Variants in RIF1 observed in about 807,000 individuals in gnomAD.
RIF1 encodes telomere-associated protein RIF1.
In RIF1, 45 loss-of-function variants were observed where a neutral mutation model predicts 247.1. The ratio of observed to expected loss-of-function variants is 0.18; its 90% confidence interval spans 0.14 to 0.23. The LOEUF (loss-of-function observed/expected upper bound fraction) is 0.23. Among genes scored for constraint, RIF1 ranks in the 10% least tolerant of loss-of-function variants. RIF1 has a pLI of 1.00. For synonymous variants in RIF1, 1,087 were observed against 978.8 expected (o/e 1.11, Z -2.06); for missense variants, 2,967 against 2,862.5 (o/e 1.04, Z -0.83).
At chr2:151,423,742 A>C (rs893995336) in intron 8 of RIF1, 9 of 152,254 alleles carry the variant, frequency 5.9e-5, no homozygotes, top group Non-Finnish European at 1.2e-4. Flanking sequence ...ATAATGAGAG[A>C]GAATCAACTG....
chr2:151,510,682 C>T (rs2073523194), downstream of RIF1, among the ~76,000 whole-genome samples: 1 of 152,128 alleles, frequency 6.6e-6, no homozygotes, highest in Non-Finnish European at 1.5e-5. Context: ...TAATCTCTTA[C>T]TGTGCTAATT....
rs370108917 is a variant in RIF1, at chr2:151,506,955, G to A, written c.*1027+580G>A. 57 of 1,611,440 alleles carry A rather than the reference G, an allele frequency of 3.5e-5. 1 individual carries two copies. The highest frequency in any genetic ancestry group is 1.7e-4 in the Middle Eastern group (1 of 5,860). On this transcript the variant is annotated intron_variant and NMD_transcript_variant, in intron 13 of 13. Coordinates refer to the RIF1 transcript ENST00000454583. The stretch of plus-strand genomic sequence containing the variant: ...TTCTTTTACACGCAGTATTTCTGGC[G>A]TGTCTTGAACAACTGTAATTTTTCC...
At chr2:151,442,161 C>T (rs1045409637) in intron 16 of RIF1, among the ~76,000 whole-genome samples, 170 bp downstream of exon 16, 2 of 151,104 alleles carry the variant, frequency 1.3e-5, no homozygotes, top group African/African-American at 2.4e-5. Flanking sequence ...CTGCAACCTC[C>T]GCCTCCCAGG....
chr2:151,530,896 G>T, the RIF1 span: 1 of 739,006 alleles, frequency 1.4e-6, no homozygotes, highest in South Asian at 1.8e-5. Context: ...GTTTTAGGGT[G>T]GTTGTTACAC....
At chr2:151,495,532 T>G (rs2059616755) in intron 10 of RIF1, among the ~76,000 whole-genome samples, 1 of 152,178 alleles carries the variant, frequency 6.6e-6, no homozygotes, top group African/African-American at 2.4e-5. Flanking sequence ...CAAGGTTGTT[T>G]GCTACTGAAA....
Position 151,440,096 on chromosome 2 carries a change from A to T in RIF1, c.1616A>T (p.Lys539Met), listed in dbSNP as rs1298333746. Residue 539 changes from lysine to methionine, a missense_variant, in exon 15 of 36, where the codon AAG becomes ATG. Physicochemically the swap from Lys to Met is moderately conservative, Grantham distance 95 (BLOSUM62 -1). This residue lies in a region of RIF1 where 369 missense variants were observed against 322.0 expected (regional missense o/e 1.15). Coordinates refer to ENST00000444746, the MANE Select transcript of RIF1 (RefSeq NM_018151.5). ...LLLKSLESIV[K>M]SEVFPVSKTL... is the part of the protein sequence containing the mutation. ...TTAAAGTCTTTGGAAAGCATAGTAA[A>T]GTCTGAAGTATTTCCTGTATCAAAA... 4 of 1,592,722 alleles carry T rather than the reference A, an allele frequency of 2.5e-6. No individual in the cohort carries two copies. The African/African-American group carries it at 5.4e-5, about 22-fold the overall frequency.
downstream of RIF1, among the ~76,000 whole-genome samples, chr2:151,509,247 G>T (rs2071944447): frequency 6.6e-6 from 1 of 152,192 alleles, no homozygotes; most frequent in Non-Finnish European, 1.5e-5. Context: ...TTTTTCGGAA[G>T]AAACGGTAGT....
At chr2:151,437,161 A>G in intron 12 of RIF1, 80 bp from the exon 13 acceptor site, 1 of 1,259,770 alleles carries the variant, frequency 7.9e-7, no homozygotes, top group Non-Finnish European at 1.1e-6. Context: ...TACTTAATAG[A>G]CATTTTAAAG....
chr2:151,412,773 G>A (rs1187167615), intron 3 of RIF1, among the ~76,000 whole-genome samples: 2 of 151,950 alleles, frequency 1.3e-5, no homozygotes, highest in African/African-American at 2.4e-5. Flanking sequence ...GTGAGCCACC[G>A]TGCCCAGCCG....
chr2:151,519,039 G>A, the RIF1 span: 3 of 1,613,590 alleles, frequency 1.9e-6, no homozygotes, highest in South Asian at 3.3e-5. Context: ...ACGGGTTTGT[G>A]AAGTTTCTTC....
chr2:151,431,462 C>G (rs1190946567), intron 9 of RIF1, among the ~76,000 whole-genome samples: 2 of 152,194 alleles, frequency 1.3e-5, no homozygotes, highest in African/African-American at 2.4e-5. Context: ...CAATTAATCT[C>G]TGCTACTGTA....
intron 10 of RIF1, among the ~76,000 whole-genome samples, chr2:151,498,812 A>AGAGT (rs979401942): frequency 2.0e-5 from 3 of 152,132 alleles, no homozygotes; most frequent in African/African-American, 7.2e-5. Context: ...AAAAGAAGTC[A>AGAGT]GAGTATTTAA....
At chr2:151,487,995 T>C (rs1009606461) in intron 9 of RIF1, among the ~76,000 whole-genome samples, 1 of 152,294 alleles carries the variant, frequency 6.6e-6, no homozygotes, top group East Asian at 1.9e-4. Context: ...TTATGTACTT[T>C]ATCTTATTTT....
chr2:151,418,968 C>CTTTTTTTTTTTTTTTTTTTTTTTTTTT (rs36020810), intron 6 of RIF1, among the ~76,000 whole-genome samples: 1 of 111,774 alleles, frequency 8.9e-6, no homozygotes, highest in Non-Finnish European at 1.8e-5. Context: ...GCCTTAAATT[C>CTTTTTTTTTTTTTTTTTTTTTTTTTTT]TTTTTTTTTT....
chr2:151,534,100 A>G, the RIF1 span: 7 of 778,844 alleles, frequency 9.0e-6, no homozygotes, highest in South Asian at 1.2e-4. Flanking sequence ...TTGAAACAGA[A>G]CAACCCAATA....
downstream of RIF1, chr2:151,485,843 TTGC>T: frequency 6.2e-7 from 1 of 1,614,068 alleles, no homozygotes; most frequent in Non-Finnish European, 8.5e-7. Context: ...CCTTCATCAA[TTGC>T]TTGAACATTT....
intron 10 of RIF1, chr2:151,496,177 T>G (rs1424739471): frequency 1.5e-6 from 2 of 1,312,936 alleles, no homozygotes; most frequent in Non-Finnish European, 1.1e-6. Flanking sequence ...TCACAAAATT[T>G]AAGTTGTCTT....
chr2:151,495,910 A>G (rs2059848850), intron 10 of RIF1, among the ~76,000 whole-genome samples: 1 of 152,182 alleles, frequency 6.6e-6, no homozygotes, highest in Non-Finnish European at 1.5e-5. Context: ...ACAAAATCAT[A>G]TTTAAGAAAG....
rs886054925 is a variant in RIF1 at position 151,490,411 on chromosome 2, A to G, written c.*416-4818A>G. The G allele has an allele frequency of 6.3e-7, 1 of 1,597,912 alleles. No homozygotes were observed. ...AAGACACCCCCGTCGCTGTAAGTCG[A>G]AAGGTGGTGGTCTGGTGCTTCTGAA... is the stretch of plus-strand genomic sequence containing the variant. On this transcript the variant is annotated intron_variant and NMD_transcript_variant, in intron 9 of 13. Coordinates refer to the RIF1 transcript ENST00000454583.
Sources: allele counts gnomAD v4.1 joint callset (sites outside exome capture counted in the v4.1 genomes callset), GRCh38; gene constraint gnomAD v4.1.1; regional missense constraint gnomAD v4.1.1; transcripts MANE v1.5; gene names NCBI Gene and HGNC (gene_info 2026-07-23, HGNC 2026-07-21).